CBLB: variants seen among roughly 807,000 people sequenced by gnomAD.
CBLB encodes the protein Cbl proto-oncogene B.
In CBLB, 31 loss-of-function variants were observed where a neutral mutation model predicts 104.9. That is an observed-to-expected ratio of 0.30 (90% confidence interval 0.22 to 0.40). CBLB has a LOEUF of 0.40. CBLB is among the 10% of genes least tolerant of loss of function. CBLB has a pLI of 1.00. For missense variants in CBLB, 1,062 were observed against 1,214.6 expected (o/e 0.87, Z 1.87); for synonymous variants, 440 against 422.6 (o/e 1.04, Z -0.51).
chr3:105,775,221 T>C (rs2079313809), intron 4 of CBLB, among the ~76,000 whole-genome samples: 1 of 152,184 alleles, frequency 6.6e-6, no homozygotes, highest in Admixed American at 6.5e-5. Flanking sequence ...TAATTCAGAA[T>C]ACATTTTAGT....
At chr3:105,700,342 A>T (rs1295341127) in intron 12 of CBLB, among the ~76,000 whole-genome samples, 1 of 152,162 alleles carries the variant, frequency 6.6e-6, no homozygotes, top group African/African-American at 2.4e-5. Flanking sequence ...TTATATTTCA[A>T]GTATTTTTGA....
chr3:105,793,879 C>A (rs2081970126), intron 3 of CBLB, among the ~76,000 whole-genome samples: 1 of 152,060 alleles, frequency 6.6e-6, no homozygotes, highest in Non-Finnish European at 1.5e-5. Context: ...AAAGAAGCTT[C>A]TTACAAAAAT....
rs1576269974 is a variant in CBLB at position 105,678,490 on chromosome 3, T to G, written c.2510A>C (p.Lys837Thr). The stretch of plus-strand genomic sequence containing the variant: ...TGGCCGGCTACTGGAGCCAGGAGGT[T>G]TTGAATGTTCAATGAGACTATGCCT... ...PARHSLIEHSKPPGSSSRPSS... is the reference protein window; with the variant it reads ...PARHSLIEHSTPPGSSSRPSS... The change falls in exon 17 of 19, where the codon AAA becomes ACA. Residue 837 changes from lysine (K) to threonine (T), a missense_variant. This residue lies in a region of CBLB where 605 missense variants were observed against 582.6 expected (regional missense o/e 1.04). Coordinates refer to ENST00000394030, the MANE Select transcript of CBLB (RefSeq NM_170662.5). The G allele has an allele frequency of 6.2e-7, 1 of 1,614,074 alleles. No individual in the cohort carries two copies. The highest frequency in any genetic ancestry group is 2.2e-5 in the East Asian group (1 of 44,862).
chr3:105,722,029 T>C (rs2152830607), intron 9 of CBLB, among the ~76,000 whole-genome samples: 1 of 151,768 alleles, frequency 6.6e-6, no homozygotes, highest in East Asian at 1.9e-4. Context: ...CTTGTCTCTA[T>C]AAAAAATAAA....
chr3:105,765,730 A>C (rs1245007309), intron 4 of CBLB, among the ~76,000 whole-genome samples: 2 of 152,208 alleles, frequency 1.3e-5, no homozygotes, highest in African/African-American at 2.4e-5. Flanking sequence ...TATGCTGTGT[A>C]GAGAAAACAA....
Position 105,754,523 on chromosome 3 carries a change from CAGAG to C in CBLB, c.567-2909_567-2906del, listed in dbSNP as rs1207514486. ...AGAGAGAGAGAGAGAGAGAGAGAGA[CAGAG>C]AGAGAGAGAGAGAGAGAGAGAGAGA... On this transcript the variant is annotated intron_variant, in intron 4 of 18. Coordinates refer to ENST00000394030, the MANE Select transcript of CBLB (RefSeq NM_170662.5). Among the ~76,000 whole-genome samples, 938 of 102,734 alleles carry C rather than the reference CAGAG, an allele frequency of 9.1e-3. 24 individuals carry two copies. Among genetic ancestry groups the C allele is most frequent in the African/African-American group, 0.019 (485 of 26,046 alleles). 67.4% of individuals were successfully genotyped at this position (102,734 alleles called of 152,430 possible).
chr3:105,707,842 T>G (rs1269976589), intron 10 of CBLB, among the ~76,000 whole-genome samples: 1 of 151,544 alleles, frequency 6.6e-6, no homozygotes, highest in East Asian at 1.9e-4. Context: ...AGTCTGCTCT[T>G]TTTTATCCTT....
chr3:105,659,354 T>G, intron 18 of CBLB, 125 bp from the exon 19 acceptor site: 1 of 1,039,132 alleles, frequency 9.6e-7, no homozygotes, highest in Non-Finnish European at 1.4e-6. Flanking sequence ...CAAATAAACT[T>G]TTTTTCAATT....
At chr3:105,775,135 AAATAACTAGATTGCTACAACACAG>A (rs2079303604) in intron 4 of CBLB, among the ~76,000 whole-genome samples, 1 of 152,216 alleles carries the variant, frequency 6.6e-6, no homozygotes, top group South Asian at 2.1e-4. Flanking sequence ...TGAACATTAT[AAATAACTAGATTGCTACAACACAG>A]AATTTCCATG....
At chr3:105,806,729 T>C (rs1255524581) in intron 3 of CBLB, among the ~76,000 whole-genome samples, 2 of 152,054 alleles carry the variant, frequency 1.3e-5, no homozygotes, top group Non-Finnish European at 2.9e-5. Flanking sequence ...CAGTGGCAAA[T>C]TGATGGATAG....
At position 105,735,609 on chromosome 3, in the gene CBLB, C is replaced by G. The variant is rs1382967454; in HGVS notation, c.1072-1469G>C. 2.6e-5 allele frequency among the ~76,000 whole-genome samples: 4 copies of G among 152,236 alleles called. No individual in the cohort carries two copies. In the East Asian group the frequency reaches 7.7e-4, roughly 29 times the overall value. On this transcript the variant is annotated intron_variant, in intron 8 of 18. Coordinates refer to ENST00000394030, the MANE Select transcript of CBLB (RefSeq NM_170662.5). ...ATCCTTTCACACATATTTGAAAATA[C>G]AGGATCACCACATAACTTTTAAAAT...
At chr3:105,766,697 C>G (rs1290244259) in intron 4 of CBLB, among the ~76,000 whole-genome samples, 1 of 152,142 alleles carries the variant, frequency 6.6e-6, no homozygotes, top group Non-Finnish European at 1.5e-5. Context: ...TAACAGACTA[C>G]AGTATAGTAT....
At chr3:105,677,800 CAAAT>C (rs890542749) in intron 17 of CBLB, among the ~76,000 whole-genome samples, 8 of 148,384 alleles carry the variant, frequency 5.4e-5, no homozygotes, top group African/African-American at 1.7e-4. Context: ...TAATATTAAA[CAAAT>C]AATATTATAT....
intron 6 of CBLB, 139 bp from the exon 7 acceptor site, chr3:105,740,770 T>C (rs764414795): frequency 1.3e-6 from 1 of 751,394 alleles, no homozygotes; most frequent in Non-Finnish European, 2.3e-6. Context: ...GTCTTCTAAC[T>C]TATTTTTAGC....
intron 3 of CBLB, among the ~76,000 whole-genome samples, chr3:105,824,753 C>T (rs1211448133): frequency 6.6e-6 from 1 of 151,984 alleles, no homozygotes; most frequent in Non-Finnish European, 1.5e-5. Flanking sequence ...ATCTGGTGTC[C>T]CTGATGAGAC....
intron 17 of CBLB, among the ~76,000 whole-genome samples, chr3:105,678,186 A>T (rs2065879426): frequency 1.3e-5 from 2 of 152,152 alleles, no homozygotes; most frequent in Admixed American, 1.3e-4. Context: ...TCTGGACTGG[A>T]CAATCTCTAC....
intron 3 of CBLB, among the ~76,000 whole-genome samples, chr3:105,835,439 G>A (rs1019667760): frequency 3.9e-5 from 6 of 152,008 alleles, no homozygotes; most frequent in African/African-American, 1.5e-4. Flanking sequence ...AAGACATCAG[G>A]AGAAATATTT....
intron 3 of CBLB, among the ~76,000 whole-genome samples, chr3:105,783,908 C>T (rs2080622613): frequency 1.3e-5 from 2 of 152,062 alleles, no homozygotes. Context: ...AAGAGAAGGA[C>T]TACAATAAAC....
chr3:105,726,445 G>T (rs1449427082), intron 9 of CBLB, among the ~76,000 whole-genome samples: 2 of 151,898 alleles, frequency 1.3e-5, no homozygotes, highest in African/African-American at 2.4e-5. Flanking sequence ...AAACATAGCT[G>T]CATATCCAAC....
Sources: gnomAD v4.1 joint callset for allele counts (sites outside exome capture counted in the v4.1 genomes callset) on GRCh38, gnomAD v4.1.1 for gene constraint, gnomAD v4.1.1 regional missense constraint, MANE v1.5 for transcripts, NCBI Gene and HGNC (gene_info 2026-07-23, HGNC 2026-07-21) for gene names.